The following CLCA1 variants were observed in gnomAD, a reference collection of about 807,000 sequenced individuals.
CLCA1 encodes calcium-activated chloride channel regulator 1.
Under a neutral mutation model 85.6 loss-of-function variants are expected in CLCA1, and 59 were observed. That is an observed-to-expected ratio of 0.69 (90% confidence interval 0.56 to 0.86). CLCA1 has a LOEUF of 0.86. CLCA1 is among the 40% of genes least tolerant of loss of function. CLCA1 has a pLI of 0.00. For synonymous variants in CLCA1, 396 were observed against 398.3 expected (o/e 0.99, Z 0.07); for missense variants, 1,022 against 1,101.4 (o/e 0.93, Z 1.02).
chr1:86,469,133 G>T lies in CLCA1; in HGVS notation c.162G>T (p.Lys54Asn), dbSNP rs772651975. The T allele has an allele frequency of 1.3e-6, 2 of 1,597,172 alleles. No individual in the cohort carries two copies. Among genetic ancestry groups the T allele is most frequent in the South Asian group, 2.3e-5 (2 of 88,042 alleles). ...PEDETLIQQI[K>N]DMVTQASLYL... is the part of the protein sequence containing the mutation. ...ATGAAACACTCATTCAACAAATAAA[G>T]GTAAGTTCATAGTAATTATCCATAC... is the stretch of plus-strand genomic sequence containing the variant. Residue 54 changes from lysine (K) to asparagine (N), a missense_variant and splice_region_variant, in exon 1 of 14, where the codon AAG (lysine) becomes AAT (asparagine). Transcript: ENST00000394711.
In CLCA1 at chr1:86,486,525, G is replaced by T; in HGVS notation, c.955-1G>T. 2 of 1,613,840 alleles carry T rather than the reference G, an allele frequency of 1.2e-6. No homozygotes were observed. Among genetic ancestry groups the T allele is most frequent in the South Asian group, 1.1e-5 (1 of 91,034 alleles). ...TGTTTTTCTTTTGCTTCTCCATTTA[G>T]ACTGGTAACCGCCTCAATCGACTGA... On this transcript the variant is annotated splice_acceptor_variant, in intron 6 of 13. Transcript: ENST00000394711. LOFTEE classifies it high-confidence loss of function.
At chr1:86,495,709 CA>C (rs755732916) in intron 12 of CLCA1, 34 bp downstream of exon 12, 6 of 1,568,304 alleles carry the variant, frequency 3.8e-6, no homozygotes, top group Non-Finnish European at 5.2e-6. Context: ...CTGGCTTGTG[CA>C]AAAGCATTGG....
In CLCA1 at chr1:86,482,244, G is replaced by C; in HGVS notation, c.597G>C (p.Lys199Asn). 1 of 1,613,980 alleles carries C rather than the reference G, an allele frequency of 6.2e-7. No homozygotes were observed. The highest frequency in any genetic ancestry group is 8.5e-7 in the Non-Finnish European group (1 of 1,179,860). ...AGITGTNVVKKCQGGSCYTKR... is the reference protein window; with the variant it reads ...AGITGTNVVKNCQGGSCYTKR... ...TTACTGGTACAAATGTAGTAAAGAA[G>C]TGTCAGGGAGGCAGCTGTTACACCA... The change falls in exon 5 of 14, where the codon AAG becomes AAC. Residue 199 changes from lysine to asparagine, a missense_variant. Lys to Asn is a moderately conservative substitution (Grantham distance 94). Coordinates refer to ENST00000394711, the MANE Select transcript of CLCA1 (RefSeq NM_001285.4).
At chr1:86,476,591 T>C (rs760074180) in intron 4 of CLCA1, 38 bp downstream of exon 4, 5 of 1,019,062 alleles carry the variant, frequency 4.9e-6, no homozygotes, top group South Asian at 2.8e-5. Context: ...CAAACTATTT[T>C]AAATTGCAAC....
chr1:86,469,165 A>T, intron 1 of CLCA1, 32 bp downstream of exon 1: 2 of 1,511,476 alleles, frequency 1.3e-6, no homozygotes, highest in Non-Finnish European at 1.8e-6. Context: ...ATACTTTTTT[A>T]AAAATAGCAT....
intron 1 of CLCA1, among the ~76,000 whole-genome samples, chr1:86,469,762 G>C (rs572900081): frequency 3.3e-5 from 5 of 152,148 alleles, no homozygotes; most frequent in Non-Finnish European, 7.4e-5. Flanking sequence ...ACAACAAACA[G>C]CTAAAACTAA....
In CLCA1 at chr1:86,486,632, A is replaced by T. The variant is rs1483086442; in HGVS notation, c.1061A>T (p.His354Leu). 1 of 1,614,216 alleles carries T rather than the reference A, an allele frequency of 6.2e-7. No individual in the cohort carries two copies. The highest frequency in any genetic ancestry group is 1.1e-5 in the South Asian group (1 of 91,084). The change falls in exon 7 of 14, where the codon CAT becomes CTT. Residue 354 changes from histidine to leucine, a missense_variant. By Grantham distance (99) the His-to-Leu change is moderately conservative. Coordinates refer to ENST00000394711, the MANE Select transcript of CLCA1 (RefSeq NM_001285.4). ...ATGGTGACATTTGACAGTGCTGCCC[A>T]TGTACAAAATGAACTCATACAGATA... ...VGMVTFDSAA[H>L]VQNELIQINS...
At position 86,500,012 on chromosome 1, in the gene CLCA1, G is replaced by A. The variant is rs759220155; in HGVS notation, c.2712G>A (p.Lys904=). ...PGIHILKIMW[K]WIGELQLSIA is the part of the protein sequence containing the mutation. ...TTCACATTTTAAAAATTATGTGGAA[G>A]TGGATAGGAGAACTGCAGCTGTCAA... Residue 904 remains lysine, a synonymous_variant, in exon 14 of 14, where the codon AAG becomes AAA. Coordinates refer to ENST00000394711, the MANE Select transcript of CLCA1 (RefSeq NM_001285.4). The A allele has an allele frequency of 1.2e-6, 2 of 1,612,288 alleles. No individual in the cohort carries two copies. The highest frequency in any genetic ancestry group is 1.7e-6 in the Non-Finnish European group (2 of 1,178,382).
intron 3 of CLCA1, among the ~76,000 whole-genome samples, chr1:86,475,680 A>AT (rs1647620236): frequency 6.6e-6 from 1 of 152,192 alleles, no homozygotes; most frequent in East Asian, 1.9e-4. Flanking sequence ...CCAGACAAAG[A>AT]TGGGAAGGAA....
intron 6 of CLCA1, among the ~76,000 whole-genome samples, chr1:86,485,814 T>G (rs1400265606): frequency 6.6e-6 from 1 of 152,230 alleles, no homozygotes; most frequent in Admixed American, 6.5e-5. Flanking sequence ...ACATTTTTAA[T>G]GTTTCACTGA....
intron 12 of CLCA1, among the ~76,000 whole-genome samples, 172 bp from the exon 13 acceptor site, chr1:86,498,400 T>G (rs529001292): frequency 6.6e-6 from 1 of 151,966 alleles, no homozygotes; most frequent in South Asian, 2.1e-4. Flanking sequence ...CTTTTCCCTC[T>G]GATGAAACCG....
rs368956046 is a variant in CLCA1 at position 86,469,021 on chromosome 1, A to G, written c.50A>G (p.Glu17Gly). ...SVFILILHLL[E>G]GALSNSLIQL... Reference sequence around the variant, plus strand: ...TTCATCTTGATTCTTCACCTTCTAGAAGGGGCCCTGAGTAATTCACTCATT... The same window carrying G: ...TTCATCTTGATTCTTCACCTTCTAGGAGGGGCCCTGAGTAATTCACTCATT... The change falls in exon 1 of 14, where the codon GAA (glutamate) becomes GGA (glycine). Residue 17 changes from glutamate to glycine, a missense_variant. Glu to Gly is a moderately conservative substitution (Grantham distance 98). Coordinates refer to ENST00000394711, the MANE Select transcript of CLCA1 (RefSeq NM_001285.4). 3 of 1,613,164 alleles carry G rather than the reference A, an allele frequency of 1.9e-6. No homozygotes were observed. Among genetic ancestry groups the G allele is most frequent in the Non-Finnish European group, 2.5e-6 (3 of 1,179,528 alleles).
rs1287323268 is a variant in CLCA1, at chr1:86,494,417, A to G, written c.1911A>G (p.Thr637=). The G allele has an allele frequency of 2.0e-5, 33 of 1,614,238 alleles. No individual in the cohort carries two copies. The highest frequency in any genetic ancestry group is 2.8e-5 in the Non-Finnish European group (33 of 1,180,028). The part of the protein sequence containing the change: ...TALIESVNGK[T]VTLELLDNGA... ...TGATTGAATCAGTGAATGGAAAAACAGTTACCTTGGAACTACTGGATAATG... is the reference window on the plus strand; with the variant it reads ...TGATTGAATCAGTGAATGGAAAAACGGTTACCTTGGAACTACTGGATAATG... The change falls in exon 11 of 14, where the codon ACA becomes ACG. Residue 637 remains threonine, a synonymous_variant. Coordinates refer to ENST00000394711, the MANE Select transcript of CLCA1 (RefSeq NM_001285.4).
rs147155262 is a variant in CLCA1, at chr1:86,486,093, G to A, written c.955-433G>A. On this transcript the variant is annotated intron_variant, in intron 6 of 13. Transcript: ENST00000394711. ...GCCCCTTATAAAACCATCAGATCTCGTCAGAACTCACTCACTGTAACGAGA... is the reference window on the plus strand; with the variant it reads ...GCCCCTTATAAAACCATCAGATCTCATCAGAACTCACTCACTGTAACGAGA... Among the ~76,000 whole-genome samples the A allele has an allele frequency of 6.3e-4, 96 of 151,576 alleles. 3 individuals are homozygous for A. The East Asian group carries it at 7.7e-3, about 12-fold the overall frequency.
At chr1:86,492,657 C>G (rs927384271) in intron 9 of CLCA1, among the ~76,000 whole-genome samples, 2 of 152,170 alleles carry the variant, frequency 1.3e-5, no homozygotes, top group African/African-American at 4.8e-5. Flanking sequence ...TCTAAAAAAG[C>G]CTTGTTAATC....
In CLCA1 at chr1:86,486,589, C is replaced by T. The variant is rs775671791; in HGVS notation, c.1018C>T (p.Leu340=). 1 of 1,614,030 alleles carries T rather than the reference C, an allele frequency of 6.2e-7. No individual in the cohort carries two copies. The highest frequency in any genetic ancestry group is 8.5e-7 in the Non-Finnish European group (1 of 1,180,042). Residue 340 remains leucine (L), a synonymous_variant, in exon 7 of 14, where the codon CTG becomes TTG. Transcript: ENST00000394711. ...GCTTTTCCTGCTGCAGACAGTTGAG[C>T]TGGGGTCCTGGGTTGGGATGGTGAC... ...GQLFLLQTVE[L]GSWVGMVTFD...
At chr1:86,471,969 G>A (rs952498974) in intron 1 of CLCA1, among the ~76,000 whole-genome samples, 8 of 151,648 alleles carry the variant, frequency 5.3e-5, no homozygotes, top group African/African-American at 1.9e-4. Context: ...TAGTCACTCT[G>A]GTCTGTTCCC....
At chr1:86,472,626 T>C (rs1337818666) in intron 1 of CLCA1, among the ~76,000 whole-genome samples, 2 of 152,216 alleles carry the variant, frequency 1.3e-5, no homozygotes, top group Non-Finnish European at 2.9e-5. Context: ...TGCAGACACA[T>C]TTATAATTTA....
rs748634022 is a variant in CLCA1 at position 86,494,457 on chromosome 1, C to A, written c.1942+9C>A. 6.2e-7 allele frequency: 1 copy of A among 1,612,220 alleles called. No homozygotes were observed. The highest frequency in any genetic ancestry group is 2.2e-5 in the East Asian group (1 of 44,870). ...ACTGGATAATGGAGCAGGTAATCAC[C>A]CAAGAAATTGGAAGATATTTATTTC... On this transcript the variant is annotated intron_variant, in intron 11 of 13. Transcript: ENST00000394711.
Sources: allele counts gnomAD v4.1 joint callset (sites outside exome capture counted in the v4.1 genomes callset), GRCh38; gene constraint gnomAD v4.1.1; transcripts MANE v1.5; gene names NCBI Gene and HGNC (gene_info 2026-07-23, HGNC 2026-07-21).